Variants in FBXL4 observed in about 807,000 individuals in gnomAD.
The protein encoded by FBXL4 is F-box/LRR-repeat protein 4.
In FBXL4, 40 loss-of-function variants were observed where a neutral mutation model predicts 58.9. The ratio of observed to expected loss-of-function variants is 0.68; its 90% confidence interval spans 0.53 to 0.88. The LOEUF (loss-of-function observed/expected upper bound fraction) is 0.88, where lower values mean the gene tolerates loss of function less well. Among genes scored for constraint, FBXL4 ranks in the 40% least tolerant of loss-of-function variants. The pLI is 0.00. For synonymous variants in FBXL4, 263 were observed against 265.5 expected (o/e 0.99, Z 0.09); for missense variants, 676 against 734.4 (o/e 0.92, Z 0.92).
chr6:98,871,197 A>G lies in FBXL4; in HGVS notation c.*3081T>C, dbSNP rs904699896. 6.6e-6 allele frequency: 1 copy of G among 152,216 alleles called. No individual in the cohort carries two copies. Among genetic ancestry groups the G allele is most frequent in the African/African-American group, 2.4e-5 (1 of 41,462 alleles). 9.4% of individuals were successfully genotyped at this position (152,216 alleles called of 1,614,324 possible). On this transcript the variant is annotated 3_prime_UTR_variant, in exon 10 of 10. Transcript: ENST00000369244. The stretch of plus-strand genomic sequence containing the variant: ...CGATAACTAAATTGTGTTTGATTCT[A>G]TCGGCTGAAGGACTGTGTCCAAAGT...
chr6:98,915,338 A>G (rs541839126), intron 5 of FBXL4, among the ~76,000 whole-genome samples: 1 of 151,930 alleles, frequency 6.6e-6, no homozygotes, highest in Non-Finnish European at 1.5e-5. Context: ...TCATATGGAA[A>G]CAAAAAAGAG....
chr6:98,928,010 C>T (rs925915365), intron 2 of FBXL4, among the ~76,000 whole-genome samples, 188 bp from the exon 3 acceptor site: 1 of 152,066 alleles, frequency 6.6e-6, no homozygotes, highest in African/African-American at 2.4e-5. Context: ...TAATAATGAA[C>T]GCTATCTATA....
chr6:98,893,663 G>A (rs1771310615), intron 7 of FBXL4, among the ~76,000 whole-genome samples: 1 of 152,168 alleles, frequency 6.6e-6, no homozygotes, highest in Admixed American at 6.5e-5. Flanking sequence ...CCTTTTAGGG[G>A]CAAATTATGT....
chr6:98,935,448 T>C (rs1773176603), intron 1 of FBXL4, among the ~76,000 whole-genome samples: 1 of 152,176 alleles, frequency 6.6e-6, no homozygotes, highest in Non-Finnish European at 1.5e-5. Context: ...TCCACTGTTA[T>C]ATTACCTATA....
At chr6:98,876,655 T>A (rs187188526) in intron 8 of FBXL4, among the ~76,000 whole-genome samples, 129 of 151,834 alleles carry the variant, frequency 8.5e-4, no homozygotes, top group Admixed American at 2.5e-3. Flanking sequence ...ATTCAAAGAG[T>A]GACATATAGT....
intron 7 of FBXL4, among the ~76,000 whole-genome samples, chr6:98,886,830 T>C (rs1298369612): frequency 2.6e-5 from 4 of 152,204 alleles, no homozygotes; most frequent in African/African-American, 9.6e-5. Context: ...AAGACTTCCA[T>C]CCAAACTCCT....
Position 98,926,608 on chromosome 6 carries a change from C to T in FBXL4, c.381G>A (p.Val127=), listed in dbSNP as rs769022403. The T allele has an allele frequency of 4.3e-6, 7 of 1,614,114 alleles. No homozygotes were observed. The highest frequency in any genetic ancestry group is 5.9e-6 in the Non-Finnish European group (7 of 1,180,020). Residue 127 remains valine, a synonymous_variant, in exon 4 of 10, where the codon GTG becomes GTA. Transcript: ENST00000369244. Reference sequence around the variant, plus strand: ...ACACCTGTTGTTCAAAAGTAAGTTCCACATAGTCCTGGCTCTGAAAATTAG... The same window carrying T: ...ACACCTGTTGTTCAAAAGTAAGTTCTACATAGTCCTGGCTCTGAAAATTAG... ...TPPNFQSQDY[V]ELTFEQQVYP...
At chr6:98,909,107 C>T (rs190016675) in intron 5 of FBXL4, among the ~76,000 whole-genome samples, 2 of 152,312 alleles carry the variant, frequency 1.3e-5, no homozygotes, top group African/African-American at 4.8e-5. Context: ...TTTTCCTACT[C>T]TAGGGCATGT....
chr6:98,878,064 C>T (rs1351799346), intron 8 of FBXL4, among the ~76,000 whole-genome samples: 2 of 152,164 alleles, frequency 1.3e-5, no homozygotes, highest in Non-Finnish European at 2.9e-5. Flanking sequence ...AAAAGTGACA[C>T]AACTAATTTA....
Position 98,871,883 on chromosome 6 carries a change from A to C in FBXL4, c.*2395T>G, listed in dbSNP as rs1392727875. The C allele has an allele frequency of 1.3e-5, 2 of 152,218 alleles. No homozygotes were observed. The highest frequency in any genetic ancestry group is 4.8e-5 in the African/African-American group (2 of 41,456). 9.4% of individuals were successfully genotyped at this position (152,218 alleles called of 1,614,324 possible). On this transcript the variant is annotated 3_prime_UTR_variant, in exon 10 of 10. Transcript: ENST00000369244. ...AGGGCTGATATTGACATTTTTCTGA[A>C]AAAGAAGACATGTCCTCAATCACTA...
intron 5 of FBXL4, among the ~76,000 whole-genome samples, chr6:98,912,358 C>A (rs971154899): frequency 6.6e-6 from 1 of 151,984 alleles, no homozygotes; most frequent in Non-Finnish European, 1.5e-5. Context: ...AAGAGCAACT[C>A]CAAGACACAT....
intron 5 of FBXL4, among the ~76,000 whole-genome samples, chr6:98,913,931 AG>A (rs1174504837): frequency 9.0e-4 from 130 of 144,310 alleles, no homozygotes; most frequent in African/African-American, 3.2e-3. Context: ...AGACTAATAA[AG>A]AAAAAAAGAG....
At chr6:98,896,096 G>A (rs12528118) in intron 7 of FBXL4, among the ~76,000 whole-genome samples, 1 of 152,066 alleles carries the variant, frequency 6.6e-6, no homozygotes, top group Non-Finnish European at 1.5e-5. Flanking sequence ...TATGTCCTTA[G>A]AGCAAGCAGA....
At chr6:98,947,114 T>C (rs959810619) in intron 1 of FBXL4, among the ~76,000 whole-genome samples, 1 of 152,258 alleles carries the variant, frequency 6.6e-6, no homozygotes, top group Non-Finnish European at 1.5e-5. Flanking sequence ...CACAGGCTTA[T>C]ACCATCTTCA....
At chr6:98,909,841 G>A (rs1326487257) in intron 5 of FBXL4, among the ~76,000 whole-genome samples, 1 of 152,134 alleles carries the variant, frequency 6.6e-6, no homozygotes, top group Admixed American at 6.5e-5. Flanking sequence ...GTCTGGGTGG[G>A]ATCCTGGTCC....
At chr6:98,880,471 G>T in intron 8 of FBXL4, 82 bp downstream of exon 8, 2 of 1,101,290 alleles carry the variant, frequency 1.8e-6, no homozygotes. Context: ...GTGTGGGGTA[G>T]GGTGAGTCAG....
Position 98,926,883 on chromosome 6 carries a change from T to A in FBXL4, c.106A>T (p.Arg36Ter), listed in dbSNP as rs1182326570. ...ATRGEMMNTH[R>*]AIESNSQTSP... ...GTCTGGCTGTTTGATTCTATAGCTC[T>A]ATGGGTGTTCATCATTTCTCCTCTT... Residue 36 changes from arginine (R) to a stop codon, truncating the protein, a stop_gained, in exon 4 of 10, where the codon AGA (arginine) becomes TGA (stop). Coordinates refer to ENST00000369244, the MANE Select transcript of FBXL4 (RefSeq NM_001278716.2). LOFTEE classifies it high-confidence loss of function. 1.2e-6 allele frequency: 2 copies of A among 1,614,180 alleles called. No homozygotes were observed. The highest frequency in any genetic ancestry group is 3.3e-5 in the Admixed American group (2 of 60,022).
At chr6:98,920,191 T>G (rs1049110015) in intron 4 of FBXL4, among the ~76,000 whole-genome samples, 1 of 152,188 alleles carries the variant, frequency 6.6e-6, no homozygotes, top group Non-Finnish European at 1.5e-5. Flanking sequence ...TATTCAATTT[T>G]AATAATGCAT....
At position 98,903,504 on chromosome 6, in the gene FBXL4, A is replaced by C. The variant is rs531173383; in HGVS notation, c.1103+1922T>G. 2.6e-4 allele frequency among the ~76,000 whole-genome samples: 39 copies of C among 152,258 alleles called. No homozygotes were observed. In the South Asian group the frequency reaches 6.4e-3, roughly 25 times the overall value. On this transcript the variant is annotated intron_variant, in intron 6 of 9. Transcript: ENST00000369244. ...TATATATGGCTTTTTCTGATTATTC[A>C]AACTGCTCTACAGCAACTACCCTGG... is the stretch of plus-strand genomic sequence containing the variant.
Sources: gnomAD v4.1 joint callset for allele counts (sites outside exome capture counted in the v4.1 genomes callset) on GRCh38, gnomAD v4.1.1 for gene constraint, MANE v1.5 for transcripts, NCBI Gene and HGNC (gene_info 2026-07-23, HGNC 2026-07-21) for gene names.